The following MINDY4 variants were observed in gnomAD, a reference collection of about 807,000 sequenced individuals.
The protein encoded by MINDY4 is MINDY lysine 48 deubiquitinase 4.
MINDY4 carries 68 observed loss-of-function variants against 87.0 expected under a neutral mutation model. The observed-to-expected ratio is 0.78, with a 90% CI of 0.64 to 0.96. MINDY4 has a LOEUF of 0.96. Ranked by LOEUF, MINDY4 falls within the 40% of genes least tolerant of loss-of-function variation. The probability of loss-of-function intolerance (pLI) is 0.00; values close to 1 mark genes in which losing one functional copy is unlikely to be tolerated. For synonymous variants in MINDY4, 379 were observed against 363.2 expected (o/e 1.04, Z -0.50); for missense variants, 919 against 928.2 (o/e 0.99, Z 0.13).
At chr7:30,786,079 C>A (rs1787151615) in intron 4 of MINDY4, 87 bp downstream of exon 4, 1 of 1,534,192 alleles carries the variant, frequency 6.5e-7, no homozygotes, top group African/African-American at 1.4e-5. Flanking sequence ...ATTTGGGGTA[C>A]CCCACAGGGC....
intron 9 of MINDY4, among the ~76,000 whole-genome samples, chr7:30,843,234 C>T (rs895832241): frequency 3.3e-5 from 5 of 152,136 alleles, no homozygotes; most frequent in South Asian, 2.1e-4. Context: ...GAATGGTATT[C>T]CAGTAAAGAG....
chr7:30,872,633 C>G (rs1790140229), intron 14 of MINDY4, among the ~76,000 whole-genome samples: 1 of 152,230 alleles, frequency 6.6e-6, no homozygotes, highest in South Asian at 2.1e-4. Flanking sequence ...GGAGTGATGT[C>G]TCAGGCATGG....
chr7:30,848,980 A>G (rs1789314463), intron 9 of MINDY4, among the ~76,000 whole-genome samples: 2 of 152,180 alleles, frequency 1.3e-5, no homozygotes, highest in Admixed American at 1.3e-4. Context: ...CCTTACAAAC[A>G]TCTCCTTTAA....
At chr7:30,830,406 A>T (rs1485234979) in intron 6 of MINDY4, among the ~76,000 whole-genome samples, 1 of 152,222 alleles carries the variant, frequency 6.6e-6, no homozygotes, top group Admixed American at 6.5e-5. Flanking sequence ...CATGCTGCTA[A>T]TAAAGACATA....
At chr7:30,824,731 G>A (rs185679810) in intron 5 of MINDY4, among the ~76,000 whole-genome samples, 5 of 152,200 alleles carry the variant, frequency 3.3e-5, no homozygotes, top group South Asian at 2.1e-4. Context: ...GTGACACCAC[G>A]CTCAACTAAT....
chr7:30,794,800 G>A (rs1787432824), intron 5 of MINDY4, among the ~76,000 whole-genome samples: 2 of 152,040 alleles, frequency 1.3e-5, no homozygotes, highest in African/African-American at 4.8e-5. Context: ...CCATCACTCA[G>A]AACCATGGGG....
At chr7:30,877,872 G>T (rs1243465085) in intron 15 of MINDY4, among the ~76,000 whole-genome samples, 3 of 122,488 alleles carry the variant, frequency 2.4e-5, no homozygotes, top group Non-Finnish European at 4.8e-5. Context: ...TAGAGATGGG[G>T]TTTCACCATA....
At chr7:30,880,244 GT>G (rs1276860245) in intron 15 of MINDY4, among the ~76,000 whole-genome samples, 1 of 150,578 alleles carries the variant, frequency 6.6e-6, no homozygotes, top group Non-Finnish European at 1.5e-5. Context: ...TGTGCTACAT[GT>G]TCCCCCACCA....
chr7:30,841,475 G>A (rs932619812), intron 9 of MINDY4, among the ~76,000 whole-genome samples: 3 of 152,136 alleles, frequency 2.0e-5, no homozygotes, highest in African/African-American at 7.2e-5. Flanking sequence ...CCATACCATC[G>A]TTGGTGCCAA....
intron 1 of MINDY4, among the ~76,000 whole-genome samples, chr7:30,777,473 T>G (rs1175690421): frequency 6.6e-6 from 1 of 152,204 alleles, no homozygotes; most frequent in East Asian, 1.9e-4. Context: ...TCCATTTCCC[T>G]TCCCTACGGC....
chr7:30,780,877 T>G (rs1303035077), intron 2 of MINDY4: 1 of 152,234 alleles, frequency 6.6e-6, no homozygotes, highest in Admixed American at 6.5e-5. Flanking sequence ...CCTAACTCTC[T>G]TTATTGTAAG....
chr7:30,862,769 G>A (rs1024341129), intron 13 of MINDY4, among the ~76,000 whole-genome samples: 12 of 152,346 alleles, frequency 7.9e-5, no homozygotes, highest in Admixed American at 3.9e-4. Context: ...GGTCCTCAGC[G>A]CAGCTCAGTC....
chr7:30,771,475 C>A lies in MINDY4; in HGVS notation c.-19C>A, dbSNP rs200785914. 207 of 1,596,646 alleles carry A rather than the reference C, an allele frequency of 1.3e-4. 1 individual carries two copies. In the African/African-American group the frequency reaches 2.3e-3, roughly 18 times the overall value. On this transcript the variant is annotated 5_prime_UTR_variant, in exon 1 of 18. Coordinates refer to ENST00000265299, the MANE Select transcript of MINDY4 (RefSeq NM_032222.3). Reference sequence around the variant, plus strand: ...TGCGGCCCGGCGTGGGCCTCGTGGGCAGAGCCAGAGCCAGAGCCATGGACA... The same window carrying A: ...TGCGGCCCGGCGTGGGCCTCGTGGGAAGAGCCAGAGCCAGAGCCATGGACA...
chr7:30,859,081 G>C (rs17159526), intron 12 of MINDY4, 176 bp from the exon 13 acceptor site: 90,132 of 719,012 alleles, frequency 0.13, 6,978 homozygotes, highest in African/African-American at 0.27. Context: ...TCAGGTTGTT[G>C]CAATGTCCCA....
intron 5 of MINDY4, among the ~76,000 whole-genome samples, chr7:30,809,113 G>A (rs190145016): frequency 1.1e-3 from 164 of 152,258 alleles, no homozygotes; most frequent in African/African-American, 3.8e-3. Context: ...TTTAAAACCT[G>A]TAATTGATGA....
chr7:30,846,680 C>G (rs1400497417), intron 9 of MINDY4, among the ~76,000 whole-genome samples: 1 of 148,016 alleles, frequency 6.8e-6, no homozygotes. Context: ...CCTGGCTAAT[C>G]TGGGGTGGGT....
At chr7:30,867,534 G>T (rs971521576) in intron 13 of MINDY4, among the ~76,000 whole-genome samples, 6 of 152,102 alleles carry the variant, frequency 3.9e-5, no homozygotes, top group Admixed American at 2.0e-4. Flanking sequence ...GCTCAGAGAG[G>T]GAAATAACTG....
intron 6 of MINDY4, among the ~76,000 whole-genome samples, chr7:30,834,131 T>C (rs929615099): frequency 1.3e-5 from 2 of 152,264 alleles, no homozygotes; most frequent in Admixed American, 6.5e-5. Context: ...TAGGGATTCT[T>C]TGTGGAGCCT....
At chr7:30,788,730 GA>G (rs1357880708) in intron 4 of MINDY4, among the ~76,000 whole-genome samples, 1 of 152,114 alleles carries the variant, frequency 6.6e-6, no homozygotes, top group Non-Finnish European at 1.5e-5. Context: ...GTGGTTCCAT[GA>G]AAAAACCAGC....
Sources: allele counts gnomAD v4.1 joint callset (sites outside exome capture counted in the v4.1 genomes callset), GRCh38; gene constraint gnomAD v4.1.1; transcripts MANE v1.5; gene names NCBI Gene and HGNC (gene_info 2026-07-23, HGNC 2026-07-21).